Variants in EPG5 observed in about 807,000 individuals in gnomAD.
The protein encoded by EPG5 is ectopic P-granules 5 autophagy tethering factor.
In EPG5, 159 loss-of-function variants were observed where a neutral mutation model predicts 302.7. The ratio of observed to expected loss-of-function variants is 0.53; its 90% CI spans 0.46 to 0.60. EPG5 has a LOEUF of 0.60. Ranked by LOEUF, EPG5 falls within the 20% of genes least tolerant of loss-of-function variation. EPG5 has a pLI of 0.00. For synonymous variants in EPG5, 1,158 were observed against 1,136.8 expected (o/e 1.02, Z -0.37); for missense variants, 2,896 against 3,092.4 (o/e 0.94, Z 1.51).
At chr18:45,819,381 T>C in the EPG5 span, among the ~76,000 whole-genome samples, 1 of 152,210 alleles carries the variant, frequency 6.6e-6, no homozygotes, top group African/African-American at 2.4e-5. Flanking sequence ...ACTCTCTTTG[T>C]TTCATTGATC....
chr18:45,830,167 C>CT, the EPG5 span, among the ~76,000 whole-genome samples: 1 of 152,244 alleles, frequency 6.6e-6, no homozygotes, highest in Non-Finnish European at 1.5e-5. Context: ...TCCTGCTTTG[C>CT]TTTTTTCCTT....
At chr18:45,949,010 A>G (rs1290518285) in intron 5 of EPG5, among the ~76,000 whole-genome samples, 1 of 152,222 alleles carries the variant, frequency 6.6e-6, no homozygotes, top group African/African-American at 2.4e-5. Flanking sequence ...ACCCAAAGGC[A>G]ACAGCAGAGA....
chr18:45,899,368 A>C (rs1274219150), intron 27 of EPG5, 36 bp downstream of exon 27: 1 of 1,611,168 alleles, frequency 6.2e-7, no homozygotes, highest in East Asian at 2.2e-5. Context: ...GACTCAATTA[A>C]AATTCTCTCA....
At chr18:45,826,262 C>G in the EPG5 span, among the ~76,000 whole-genome samples, 18 of 152,046 alleles carry the variant, frequency 1.2e-4, no homozygotes, top group African/African-American at 4.3e-4. Flanking sequence ...TAGAGGCCCT[C>G]CCAGCAGGAA....
In EPG5 at chr18:45,879,010, T is replaced by C; in HGVS notation, c.5869+3A>G. 2 of 1,613,322 alleles carry C rather than the reference T, an allele frequency of 1.2e-6. No individual in the cohort carries two copies. Among genetic ancestry groups the C allele is most frequent in the Non-Finnish European group, 1.7e-6 (2 of 1,179,270 alleles). On this transcript the variant is annotated splice_donor_region_variant and intron_variant, in intron 33 of 43. Transcript: ENST00000282041. The stretch of plus-strand genomic sequence containing the variant: ...GCTCCACATCGCATGAGAAGTATAT[T>C]ACCTGTTTTCCTGCTGGCAGTTGGG...
the EPG5 span, among the ~76,000 whole-genome samples, chr18:45,818,732 C>CTTTTTTT: frequency 7.2e-5 from 8 of 111,402 alleles, no homozygotes; most frequent in Admixed American, 1.1e-4. Context: ...TTTTGCATAA[C>CTTTTTTT]TTTTTTTTTT....
intron 27 of EPG5, among the ~76,000 whole-genome samples, chr18:45,896,444 A>AT (rs1441383675): frequency 6.6e-6 from 1 of 152,090 alleles, no homozygotes; most frequent in Non-Finnish European, 1.5e-5. Flanking sequence ...AAATACAGCT[A>AT]TTTTTTCAAA....
Position 45,899,546 on chromosome 18 carries a change from G to C in EPG5, c.4667C>G (p.Ser1556Cys), listed in dbSNP as rs1038895723. Reference protein sequence around the residue: ...QQARTAALRESQQVALDGELL... With the variant: ...QQARTAALRECQQVALDGELL... ...CTCACCATCCAGAGCAACCTGCTGAGATTCCCGAAGAGCTGCGGTTCTGAA... is the reference window on the plus strand; with the variant it reads ...CTCACCATCCAGAGCAACCTGCTGACATTCCCGAAGAGCTGCGGTTCTGAA... The change falls in exon 27 of 44, where the codon TCT (serine) becomes TGT (cysteine). Residue 1556 changes from serine (S) to cysteine (C), a missense_variant. Coordinates refer to ENST00000282041, the MANE Select transcript of EPG5 (RefSeq NM_020964.3). 6.2e-7 allele frequency: 1 copy of C among 1,614,100 alleles called. No homozygotes were observed. The highest frequency in any genetic ancestry group is 8.5e-7 in the Non-Finnish European group (1 of 1,179,980).
At chr18:45,821,488 C>T in the EPG5 span, among the ~76,000 whole-genome samples, 1 of 151,926 alleles carries the variant, frequency 6.6e-6, no homozygotes, top group South Asian at 2.1e-4. Flanking sequence ...ATATAAAACC[C>T]GAAGCTATAA....
chr18:45,953,527 C>G (rs2050957139), intron 2 of EPG5: 1 of 985,240 alleles, frequency 1.0e-6, no homozygotes, highest in Non-Finnish European at 1.2e-6. Flanking sequence ...CTCCAGCTTC[C>G]CTTCACTGCC....
intron 24 of EPG5, among the ~76,000 whole-genome samples, chr18:45,906,652 G>A (rs1317301880): frequency 1.3e-5 from 2 of 149,868 alleles, no homozygotes; most frequent in Admixed American, 6.6e-5. Context: ...TTCCACTCTC[G>A]TAATTTTTTT....
chr18:45,826,389 A>C, the EPG5 span, among the ~76,000 whole-genome samples: 21 of 152,200 alleles, frequency 1.4e-4, no homozygotes, highest in African/African-American at 5.1e-4. Context: ...GACCATCTGC[A>C]TCAGAATCCC....
chr18:45,857,842 C>T lies in EPG5; in HGVS notation c.7442+11G>A, dbSNP rs368361879. On this transcript the variant is annotated intron_variant, in intron 42 of 43. Transcript: ENST00000282041. Reference sequence around the variant, plus strand: ...ATTTAGAACAACAGTGTTAGAAAGGCGCTTCCTTACCTGTTAGACAAAGGC... The same window carrying T: ...ATTTAGAACAACAGTGTTAGAAAGGTGCTTCCTTACCTGTTAGACAAAGGC... 1.4e-5 allele frequency: 23 copies of T among 1,610,402 alleles called. No homozygotes were observed. Among genetic ancestry groups the T allele is most frequent in the Middle Eastern group, 2.3e-4 (1 of 4,434 alleles).
intron 29 of EPG5, among the ~76,000 whole-genome samples, chr18:45,885,659 T>C (rs533905774): frequency 1.3e-5 from 2 of 152,308 alleles, no homozygotes; most frequent in African/African-American, 4.8e-5. Flanking sequence ...AAGGCTTTCA[T>C]ATGGTTGACC....
chr18:45,826,191 G>A, the EPG5 span, among the ~76,000 whole-genome samples: 30 of 152,078 alleles, frequency 2.0e-4, no homozygotes, highest in Admixed American at 1.7e-3. Context: ...GTGCATGGGC[G>A]TTTGGGGACA....
intron 25 of EPG5, 40 bp downstream of exon 25, chr18:45,903,933 C>T (rs1872079343): frequency 1.3e-6 from 2 of 1,572,540 alleles, no homozygotes; most frequent in South Asian, 1.2e-5. Flanking sequence ...TTCAATCATT[C>T]ATTCACTCAT....
the EPG5 span, among the ~76,000 whole-genome samples, chr18:45,826,369 A>C: frequency 6.6e-6 from 1 of 152,168 alleles, no homozygotes; most frequent in Admixed American, 6.5e-5. Flanking sequence ...AGTGTTTCAA[A>C]AGGCACAGGG....
At position 45,852,057 on chromosome 18, in the gene EPG5, G is replaced by C. The variant is rs563189465; in HGVS notation, c.*410C>G. On this transcript the variant is annotated 3_prime_UTR_variant, in exon 44 of 44. Coordinates refer to ENST00000282041, the MANE Select transcript of EPG5 (RefSeq NM_020964.3). ...GGAGGAACACAAATGGGGTTTAAAA[G>C]TAAGGGTACTGAGTGACTTCCAAGG... is the stretch of plus-strand genomic sequence containing the variant. The C allele has an allele frequency of 6.4e-6, 1 of 156,334 alleles. No individual in the cohort carries two copies. Among genetic ancestry groups the C allele is most frequent in the African/African-American group, 2.4e-5 (1 of 41,706 alleles). The allele number at this position is 156,334 out of a possible 1,614,324, so 9.7% of individuals were successfully genotyped here.
chr18:45,836,717 G>A, the EPG5 span, among the ~76,000 whole-genome samples: 1 of 152,230 alleles, frequency 6.6e-6, no homozygotes, highest in African/African-American at 2.4e-5. Flanking sequence ...AGGCACTAGG[G>A]AAGCCAGTCA....
Sources: allele counts gnomAD v4.1 joint callset (sites outside exome capture counted in the v4.1 genomes callset), GRCh38; gene constraint gnomAD v4.1.1; transcripts MANE v1.5; gene names NCBI Gene and HGNC (gene_info 2026-07-23, HGNC 2026-07-21).